DNAJC18: variants seen among roughly 807,000 people sequenced by gnomAD.
DNAJC18 encodes DnaJ heat shock protein family (Hsp40) member C18.
In DNAJC18, 40 loss-of-function variants were observed where a neutral mutation model predicts 48.6. That is an observed-to-expected ratio of 0.82 (90% CI 0.64 to 1.07). The LOEUF is 1.07. Ranked by LOEUF, DNAJC18 falls within the 50% of genes least tolerant of loss-of-function variation. DNAJC18 has a pLI of 0.00. For synonymous variants in DNAJC18, 135 were observed against 152.2 expected (o/e 0.89, Z 0.83); for missense variants, 340 against 427.7 (o/e 0.79, Z 1.81).
At chr5:139,428,272 C>T (rs1759274357) in intron 3 of DNAJC18, among the ~76,000 whole-genome samples, 1 of 152,078 alleles carries the variant, frequency 6.6e-6, no homozygotes, top group South Asian at 2.1e-4. Flanking sequence ...TGGTGCTCAC[C>T]TGTAGTCCCA....
intron 6 of DNAJC18, 64 bp from the exon 7 acceptor site, chr5:139,420,289 G>T: frequency 6.9e-7 from 1 of 1,449,764 alleles, no homozygotes; most frequent in Non-Finnish European, 9.3e-7. Flanking sequence ...TCTTAGCACT[G>T]CCCTCACAGA....
At position 139,410,972 on chromosome 5, in the gene DNAJC18, T is replaced by C. The variant is rs1758985498; in HGVS notation, c.*3176A>G. On this transcript the variant is annotated 3_prime_UTR_variant, in exon 8 of 8. Coordinates refer to ENST00000302060, the MANE Select transcript of DNAJC18 (RefSeq NM_152686.4). ...TTAGTACAGACAGGGTTTCACCATG[T>C]TGGCCAGGCTGGTCTGGAACTCCTG... 1.3e-5 allele frequency: 2 copies of C among 152,214 alleles called. No individual in the cohort carries two copies. The highest frequency in any genetic ancestry group is 1.3e-4 in the Admixed American group (2 of 15,284). The allele number at this position is 152,214 out of a possible 1,614,324, so 9.4% of individuals were successfully genotyped here.
chr5:139,429,495 C>T (rs1162941304), intron 2 of DNAJC18, among the ~76,000 whole-genome samples: 4 of 152,174 alleles, frequency 2.6e-5, no homozygotes, highest in Non-Finnish European at 4.4e-5. Context: ...CCCCAGTTTC[C>T]CACCACAGGG....
At chr5:139,437,606 C>G in intron 1 of DNAJC18, 48 bp from the exon 2 acceptor site, 1 of 1,556,942 alleles carries the variant, frequency 6.4e-7, no homozygotes, top group Non-Finnish European at 8.7e-7. Context: ...CCCTGAAAAT[C>G]AACTTTGCAA....
intron 6 of DNAJC18, among the ~76,000 whole-genome samples, chr5:139,421,587 C>T (rs1759153428): frequency 6.6e-6 from 1 of 152,152 alleles, no homozygotes; most frequent in African/African-American, 2.4e-5. Context: ...GGGCAGATCA[C>T]CTGAGGTTAG....
chr5:139,428,076 C>T (rs1206015891), intron 3 of DNAJC18, among the ~76,000 whole-genome samples: 4 of 152,108 alleles, frequency 2.6e-5, no homozygotes, highest in African/African-American at 7.2e-5. Context: ...TGAGCCACTG[C>T]GCTCAGCCTG....
chr5:139,431,749 T>C (rs1378825538), intron 2 of DNAJC18, among the ~76,000 whole-genome samples: 6 of 152,370 alleles, frequency 3.9e-5, no homozygotes, highest in African/African-American at 1.2e-4. Context: ...ATCTTAATTT[T>C]CTTCTGAACC....
intron 1 of DNAJC18, among the ~76,000 whole-genome samples, chr5:139,439,000 G>A (rs1750737466): frequency 6.6e-6 from 1 of 152,232 alleles, no homozygotes; most frequent in African/African-American, 2.4e-5. Context: ...GGCTGGTCCT[G>A]ATGCCGGCTG....
At chr5:139,427,058 T>C (rs1225617673) in intron 3 of DNAJC18, among the ~76,000 whole-genome samples, 1 of 152,200 alleles carries the variant, frequency 6.6e-6, no homozygotes, top group African/African-American at 2.4e-5. Context: ...ATAGTTTATG[T>C]TGGAAACAGT....
rs1377596695 is a variant in DNAJC18, at chr5:139,426,313, G to A, written c.418C>T (p.Leu140Phe). Residue 140 changes from leucine to phenylalanine, a missense_variant, in exon 4 of 8, where the codon CTT (leucine) becomes TTT (phenylalanine). Transcript: ENST00000302060. ...FAVLSNPDKR[L>F]RYDEYGDEQV... ...TCATCTCCGTATTCATCATAGCGAA[G>A]TCTCTTATCAGGATTGCTCAGGACT... is the stretch of plus-strand genomic sequence containing the variant. 8.1e-6 allele frequency: 13 copies of A among 1,614,144 alleles called. No individual in the cohort carries two copies. Among genetic ancestry groups the A allele is most frequent in the Non-Finnish European group, 1.0e-5 (12 of 1,180,020 alleles).
At chr5:139,426,627 G>A (rs767272576) in intron 3 of DNAJC18, among the ~76,000 whole-genome samples, 12 of 152,172 alleles carry the variant, frequency 7.9e-5, no homozygotes, top group Admixed American at 2.0e-4. Context: ...AGTCATCCCA[G>A]CTGTCCTAGA....
chr5:139,428,422 G>T, intron 3 of DNAJC18, 116 bp downstream of exon 3: 1 of 1,335,706 alleles, frequency 7.5e-7, no homozygotes, highest in Non-Finnish European at 1.0e-6. Flanking sequence ...AAGAGGTGTG[G>T]CAGGGGGAAA....
In DNAJC18 at chr5:139,439,364, C is replaced by T; in HGVS notation, c.40+42G>A. ...TCAGGATCCTCATCCCTGATCTCTC[C>T]CGAAGGCCGCCCTATCCCTCCTTCA... On this transcript the variant is annotated intron_variant, in intron 1 of 7. Coordinates refer to ENST00000302060, the MANE Select transcript of DNAJC18 (RefSeq NM_152686.4). The surrounding 1 kb of genome is among the most constrained non-coding windows in gnomAD (Gnocchi z 4.1). The T allele has an allele frequency of 6.2e-7, 1 of 1,614,164 alleles. No homozygotes were observed. The highest frequency in any genetic ancestry group is 8.5e-7 in the Non-Finnish European group (1 of 1,180,020).
chr5:139,418,664 C>T (rs1422950336), intron 7 of DNAJC18: 9 of 441,108 alleles, frequency 2.0e-5, no homozygotes, highest in South Asian at 4.8e-5. Context: ...AGGACTTTGC[C>T]GTACAGAAAT....
At chr5:139,424,909 T>C in intron 5 of DNAJC18, 96 bp downstream of exon 5, 2 of 1,022,364 alleles carry the variant, frequency 2.0e-6, no homozygotes, top group East Asian at 5.1e-5. Context: ...TAAAGCAACA[T>C]ATCTCAGGTT....
chr5:139,435,866 C>T (rs896664700), intron 2 of DNAJC18, among the ~76,000 whole-genome samples: 3 of 151,272 alleles, frequency 2.0e-5, no homozygotes, highest in South Asian at 2.1e-4. Flanking sequence ...CCACCATGCT[C>T]GGCTAATTTT....
intron 7 of DNAJC18, among the ~76,000 whole-genome samples, chr5:139,417,994 A>G (rs954853102): frequency 6.6e-6 from 1 of 152,168 alleles, no homozygotes. Flanking sequence ...CTCTTTGTAT[A>G]ATTCCAGCAT....
chr5:139,438,391 A>G (rs546657139), intron 1 of DNAJC18, among the ~76,000 whole-genome samples: 1 of 151,382 alleles, frequency 6.6e-6, no homozygotes, highest in East Asian at 1.9e-4. Context: ...TCAGTTAGTT[A>G]TTTAGTCGTC....
At chr5:139,437,619 T>C in intron 1 of DNAJC18, 61 bp from the exon 2 acceptor site, 2 of 1,547,444 alleles carry the variant, frequency 1.3e-6, no homozygotes, top group Non-Finnish European at 1.7e-6. Flanking sequence ...CTTTGCAACC[T>C]GCCTTTCCTC....
Sources: gnomAD v4.1 joint callset for allele counts (sites outside exome capture counted in the v4.1 genomes callset) on GRCh38, gnomAD v4.1.1 for gene constraint, Gnocchi (gnomAD v3.1) non-coding constraint, MANE v1.5 for transcripts, NCBI Gene and HGNC (gene_info 2026-07-23, HGNC 2026-07-21) for gene names.